The following RP1 variants were observed in gnomAD, a reference collection of about 807,000 sequenced individuals.
RP1 encodes oxygen-regulated protein 1.
Under a neutral mutation model 14.8 loss-of-function variants are expected in RP1, and 16 were observed. The ratio of observed to expected loss-of-function variants is 1.08; its 90% confidence interval spans 0.73 to 1.65. RP1 has a LOEUF of 1.65. RP1 is among the 40% of genes most tolerant of loss of function. RP1 has a pLI of 0.00. For synonymous variants in RP1, 876 were observed against 883.6 expected, an observed-to-expected ratio of 0.99 and a Z score of 0.15; for missense variants, 2,631 against 2,535.0, an observed-to-expected ratio of 1.04 and a Z score of -0.81.
intron 1 of RP1, among the ~76,000 whole-genome samples, chr8:54,559,637 C>G (rs538706771): frequency 6.6e-6 from 1 of 152,230 alleles, no homozygotes; most frequent in South Asian, 2.1e-4. Flanking sequence ...GGCCTGTACA[C>G]GTGGGCCATG....
At chr8:54,721,954 T>G (rs1001848548) in intron 16 of RP1, among the ~76,000 whole-genome samples, 28 of 152,114 alleles carry the variant, frequency 1.8e-4, no homozygotes, top group African/African-American at 6.0e-4. Flanking sequence ...TATGTAAAAG[T>G]TTGTAGGGCC....
intron 24 of RP1, among the ~76,000 whole-genome samples, chr8:54,787,520 A>C (rs1221125773): frequency 6.6e-6 from 1 of 152,166 alleles, no homozygotes; most frequent in Non-Finnish European, 1.5e-5. Context: ...AAAGGCATCC[A>C]TGTATCTTAT....
Position 54,620,989 on chromosome 8 carries a change from G to C in RP1, c.23G>C (p.Gly8Ala). 6.2e-7 allele frequency: 1 copy of C among 1,614,072 alleles called. No individual in the cohort carries two copies. Among genetic ancestry groups the C allele is most frequent in the South Asian group, 1.1e-5 (1 of 91,078 alleles). MSDTPST[G>A]FSIIHPTSSE... ...AAAATGAGTGATACCCCTTCTACTG[G>C]TTTTTCCATCATTCATCCTACGTCT... is the stretch of plus-strand genomic sequence containing the variant. The change falls in exon 2 of 4, where the codon GGT (glycine) becomes GCT (alanine). Residue 8 changes from glycine (G) to alanine (A), a missense_variant. Coordinates refer to ENST00000220676, the MANE Select transcript of RP1 (RefSeq NM_006269.2).
intron 18 of RP1, chr8:54,738,922 T>A: frequency 1.4e-6 from 2 of 1,391,698 alleles, no homozygotes; most frequent in South Asian, 3.1e-5. Flanking sequence ...ATAATTTTTT[T>A]CTCCTTTGCA....
chr8:54,659,489 G>A (rs1177916261), intron 6 of RP1, among the ~76,000 whole-genome samples: 1 of 152,154 alleles, frequency 6.6e-6, no homozygotes, highest in Non-Finnish European at 1.5e-5. Flanking sequence ...CGACGAGACT[G>A]TCTTCCTCCT....
At chr8:54,842,187 C>A (rs1339394115) in intron 25 of RP1, among the ~76,000 whole-genome samples, 1 of 152,134 alleles carries the variant, frequency 6.6e-6, no homozygotes, top group East Asian at 1.9e-4. Context: ...TGATTCAGAC[C>A]TTTTCATCCA....
chr8:54,726,933 T>C (rs1456268305), intron 17 of RP1, among the ~76,000 whole-genome samples: 2 of 152,054 alleles, frequency 1.3e-5, no homozygotes, highest in Non-Finnish European at 2.9e-5. Flanking sequence ...TTGATAATTT[T>C]TGTTGCTCTT....
chr8:54,607,099 C>T (rs1243932814), intron 1 of RP1, among the ~76,000 whole-genome samples: 1 of 152,182 alleles, frequency 6.6e-6, no homozygotes, highest in Non-Finnish European at 1.5e-5. Flanking sequence ...AGCTGTGTTC[C>T]TTTGGAGGAG....
intron 16 of RP1, among the ~76,000 whole-genome samples, chr8:54,725,047 G>A (rs1023807167): frequency 6.6e-6 from 1 of 152,106 alleles, no homozygotes; most frequent in Non-Finnish European, 1.5e-5. Context: ...TCTATCAGAG[G>A]TCATGTTTAT....
chr8:54,578,011 A>G (rs934757429), intron 1 of RP1, among the ~76,000 whole-genome samples: 5 of 151,898 alleles, frequency 3.3e-5, no homozygotes, highest in African/African-American at 1.2e-4. Context: ...GGTTAGTTAC[A>G]TATGTATACA....
chr8:54,657,628 A>G (rs1335275376), intron 6 of RP1, among the ~76,000 whole-genome samples: 2 of 152,198 alleles, frequency 1.3e-5, no homozygotes, highest in African/African-American at 4.8e-5. Context: ...AGGTAGACAC[A>G]TAAGTTCTAG....
At chr8:54,759,221 A>G in intron 22 of RP1, 1 of 759,562 alleles carries the variant, frequency 1.3e-6, no homozygotes, top group Non-Finnish European at 1.9e-6. Flanking sequence ...ATTCCACACC[A>G]TGAATAACTC....
intron 17 of RP1, chr8:54,734,406 G>T (rs1282372199): frequency 6.0e-6 from 4 of 666,822 alleles, no homozygotes; most frequent in Non-Finnish European, 9.8e-6. Context: ...CAGCTCCCTG[G>T]AGTCTTCACA....
intron 12 of RP1, chr8:54,696,736 G>C: frequency 2.8e-6 from 2 of 725,900 alleles, no homozygotes; most frequent in East Asian, 2.5e-5. Flanking sequence ...TTCGCCTAAA[G>C]AAAATGTTTA....
At chr8:54,753,249 C>G (rs1271851347) in intron 19 of RP1, among the ~76,000 whole-genome samples, 1 of 152,180 alleles carries the variant, frequency 6.6e-6, no homozygotes, top group Non-Finnish European at 1.5e-5. Flanking sequence ...TAGTCTGTAA[C>G]CTGTATTGAC....
intron 26 of RP1, among the ~76,000 whole-genome samples, chr8:54,854,256 T>C (rs1403445023): frequency 6.6e-6 from 1 of 152,118 alleles, no homozygotes; most frequent in Non-Finnish European, 1.5e-5. Flanking sequence ...TATCAAGACT[T>C]ATGAAATTAA....
At chr8:54,783,551 A>C (rs1810240771) in exon 24 of RP1, 1 of 1,230,406 alleles carries the variant, frequency 8.1e-7, no homozygotes, top group South Asian at 4.1e-5. Flanking sequence ...TTGCAGATGG[A>C]GACTGGAAGG....
chr8:54,850,648 A>G (rs1812038323), intron 25 of RP1, among the ~76,000 whole-genome samples: 1 of 152,262 alleles, frequency 6.6e-6, no homozygotes, highest in African/African-American at 2.4e-5. Context: ...GTGACATGTT[A>G]ACTAAGCATT....
intron 24 of RP1, among the ~76,000 whole-genome samples, chr8:54,835,358 C>T (rs577156743): frequency 6.6e-6 from 1 of 152,296 alleles, no homozygotes; most frequent in Admixed American, 6.5e-5. Flanking sequence ...CTAACCCAGG[C>T]ATGCACAATC....
Sources: allele counts gnomAD v4.1 joint callset (sites outside exome capture counted in the v4.1 genomes callset), GRCh38; gene constraint gnomAD v4.1.1; transcripts MANE v1.5; gene names NCBI Gene and HGNC (gene_info 2026-07-23, HGNC 2026-07-21).